The following ADA2 variants were observed in gnomAD, a reference collection of about 807,000 sequenced individuals.
ADA2 encodes the protein adenosine deaminase CECR1.
ADA2 carries 29 observed loss-of-function variants against 44.2 expected under a neutral mutation model. The observed-to-expected ratio is 0.66, with a 90% confidence interval of 0.49 to 0.89. The LOEUF is 0.89. ADA2 is among the 40% of genes least tolerant of loss of function. ADA2 has a pLI of 0.00. For synonymous variants in ADA2, 215 were observed against 234.9 expected (o/e 0.92, Z 0.77); for missense variants, 637 against 644.8 (o/e 0.99, Z 0.13).
At chr22:17,193,167 T>C (rs1329416900) in intron 4 of ADA2, 2 of 1,413,986 alleles carry the variant, frequency 1.4e-6, no homozygotes, top group Admixed American at 1.8e-5. Flanking sequence ...CTGGAAGTGC[T>C]GCTGATGTGC....
At position 17,191,799 on chromosome 22, in the gene ADA2, G is replaced by A. The variant is rs770976029; in HGVS notation, c.765C>T (p.Leu255=). ...IRARLLPVYE[L]SGEHHDEEWS... is the part of the protein sequence containing the mutation. ...ACTCTTCGTCATGGTGCTCTCCACT[G>A]AGCTCATACACCTGGGAAGAAAGCA... Residue 255 remains leucine (L), a synonymous_variant, in exon 5 of 10, where the codon CTC becomes CTT. Transcript: ENST00000399837. The A allele has an allele frequency of 1.2e-6, 2 of 1,612,936 alleles. No homozygotes were observed. The highest frequency in any genetic ancestry group is 1.3e-5 in the African/African-American group (1 of 74,886).
chr22:17,209,288 C>T, intron 2 of ADA2, 68 bp downstream of exon 2: 1 of 1,295,422 alleles, frequency 7.7e-7, no homozygotes, highest in East Asian at 2.3e-5. Flanking sequence ...GCCACAAGCA[C>T]AGTAATAGCC....
chr22:17,191,983 C>T (rs1211949660), intron 4 of ADA2, among the ~76,000 whole-genome samples, 173 bp from the exon 5 acceptor site: 2 of 151,230 alleles, frequency 1.3e-5, no homozygotes, highest in African/African-American at 4.9e-5. Context: ...CCACCCTTGC[C>T]CAGCCACCTC....
rs535426763 is a variant in ADA2 at position 17,204,794 on chromosome 22, CT to C, written c.543-1022del. Among the ~76,000 whole-genome samples the C allele has an allele frequency of 8.9e-3, 1,189 of 132,884 alleles. 12 individuals carry two copies. The highest frequency in any genetic ancestry group is 0.027 in the African/African-American group (958 of 35,642). The allele number at this position is 132,884 out of a possible 152,430, so 87.2% of individuals were successfully genotyped here. A position where few individuals can be genotyped will look rare whatever the true frequency, so the allele number is the denominator to read the frequency against. On this transcript the variant is annotated intron_variant, in intron 3 of 9. Transcript: ENST00000399837. ...AGAACCATGAGAAAATCAATTCCTT[CT>C]TTTTTTTTTTTTTTTTTGAAACAGG... is the stretch of plus-strand genomic sequence containing the variant.
chr22:17,212,246 C>T (rs59799034), intron 1 of ADA2, among the ~76,000 whole-genome samples: 271 of 151,642 alleles, frequency 1.8e-3, no homozygotes, highest in African/African-American at 6.4e-3. Context: ...AGGCTGGTCT[C>T]GAACTCCTGA....
At chr22:17,190,595 C>T (rs1448036250) in intron 5 of ADA2, among the ~76,000 whole-genome samples, 3 of 145,738 alleles carry the variant, frequency 2.1e-5, no homozygotes, top group African/African-American at 8.5e-5. Flanking sequence ...CTGGCGCAAG[C>T]CCACGACAGG....
intron 6 of ADA2, 58 bp from the exon 7 acceptor site, chr22:17,188,505 G>A: frequency 8.4e-7 from 1 of 1,190,152 alleles, no homozygotes; most frequent in East Asian, 2.4e-5. Flanking sequence ...ACTTGCTGAT[G>A]GCGCGCCCTG....
In ADA2 at chr22:17,206,324, G is replaced by T. The variant is rs1374711699; in HGVS notation, c.542+747C>A. On this transcript the variant is annotated intron_variant, in intron 3 of 9. Transcript: ENST00000399837. The stretch of plus-strand genomic sequence containing the variant: ...ATACAAAAATTAGCCAGGCATGGTG[G>T]CACATGTCTGTAATCCCAGCTACTC... Among the ~76,000 whole-genome samples, 3 of 152,026 alleles carry T rather than the reference G, an allele frequency of 2.0e-5. No individual in the cohort carries two copies. In the East Asian group the frequency reaches 5.8e-4, roughly 29 times the overall value.
chr22:17,184,548 A>G (rs1005485417), intron 7 of ADA2, among the ~76,000 whole-genome samples: 5 of 152,166 alleles, frequency 3.3e-5, no homozygotes, highest in African/African-American at 1.2e-4. Context: ...CTTACGTGAG[A>G]TAACAAATGT....
intron 4 of ADA2, among the ~76,000 whole-genome samples, chr22:17,201,130 A>T (rs1467651998): frequency 6.6e-6 from 1 of 151,726 alleles, no homozygotes; most frequent in Non-Finnish European, 1.5e-5. Context: ...AATCGCTTGA[A>T]CCTGGGAGGT....
At chr22:17,191,020 G>A (rs1157991926) in intron 5 of ADA2, among the ~76,000 whole-genome samples, 11 of 152,214 alleles carry the variant, frequency 7.2e-5, no homozygotes, top group Non-Finnish European at 1.2e-4. Context: ...TGCCCGCCCC[G>A]TGCCTGACTC....
In ADA2 at chr22:17,181,366, G is replaced by A; in HGVS notation, c.*117C>T. 1.4e-6 allele frequency: 1 copy of A among 739,422 alleles called. No homozygotes were observed. The highest frequency in any genetic ancestry group is 1.9e-5 in the Admixed American group (1 of 53,662). The allele number at this position is 739,422 out of a possible 1,614,324, so 45.8% of individuals were successfully genotyped here. A position where few individuals can be genotyped will look rare whatever the true frequency, so the allele number is the denominator to read the frequency against. On this transcript the variant is annotated 3_prime_UTR_variant, in exon 10 of 10. Transcript: ENST00000399837. ...CAGCCAGCCAAGTGCTTCTCACAGG[G>A]TCGCTCCATACAGAGGCCATTGATT...
At chr22:17,204,568 C>G (rs938671964) in intron 3 of ADA2, among the ~76,000 whole-genome samples, 7 of 151,764 alleles carry the variant, frequency 4.6e-5, no homozygotes, top group Admixed American at 6.6e-5. Context: ...TGAGATCGCA[C>G]CACTGTACTC....
At chr22:17,196,523 T>C (rs1446609420) in intron 4 of ADA2, among the ~76,000 whole-genome samples, 1 of 152,100 alleles carries the variant, frequency 6.6e-6, no homozygotes, top group African/African-American at 2.4e-5. Context: ...CTTGGACTCA[T>C]CCAGCTGGTT....
chr22:17,185,274 C>G (rs4455258), intron 7 of ADA2, among the ~76,000 whole-genome samples: 1 of 150,342 alleles, frequency 6.7e-6, no homozygotes. Flanking sequence ...ATTAGCCGGG[C>G]GTGGTGGCAG....
chr22:17,190,811 G>A (rs1439779168), intron 5 of ADA2, among the ~76,000 whole-genome samples: 1 of 152,218 alleles, frequency 6.6e-6, no homozygotes, highest in Non-Finnish European at 1.5e-5. Context: ...TGAGCAGAAC[G>A]TGGGCCCATC....
chr22:17,209,889 A>ATT (rs532707544), intron 1 of ADA2, 166 bp from the exon 2 acceptor site: 8,703 of 396,738 alleles, frequency 0.022, no homozygotes, highest in Middle Eastern at 0.041. Flanking sequence ...GGGTTTCCCA[A>ATT]TTTTTTTTTT....
Position 17,203,746 on chromosome 22 carries a change from G to C in ADA2, c.570C>G (p.Thr190=), listed in dbSNP as rs754279854. 3.1e-6 allele frequency: 5 copies of C among 1,613,858 alleles called. No homozygotes were observed. The highest frequency in any genetic ancestry group is 3.4e-6 in the Non-Finnish European group (4 of 1,179,824). Residue 190 remains threonine (T), a synonymous_variant, in exon 4 of 10, where the codon ACC becomes ACG. Coordinates refer to ENST00000399837, the MANE Select transcript of ADA2 (RefSeq NM_001282225.2). ...DSLLRNFTLV[T]QHPEVIYTNQ... Reference sequence around the variant, plus strand: ...TTGTGTAAATCACCTCCGGGTGCTGGGTCACCAGAGTGAAATTCCTCAGCA... The same window carrying C: ...TTGTGTAAATCACCTCCGGGTGCTGCGTCACCAGAGTGAAATTCCTCAGCA...
chr22:17,205,623 A>T (rs988340713), intron 3 of ADA2, among the ~76,000 whole-genome samples: 8 of 152,174 alleles, frequency 5.3e-5, no homozygotes, highest in African/African-American at 1.9e-4. Flanking sequence ...AAGGGAAGTA[A>T]CCTCAGGGGG....
Sources: gnomAD v4.1 joint callset for allele counts (sites outside exome capture counted in the v4.1 genomes callset) on GRCh38, gnomAD v4.1.1 for gene constraint, MANE v1.5 for transcripts, NCBI Gene and HGNC (gene_info 2026-07-23, HGNC 2026-07-21) for gene names.